The following INSL6 variants were observed in gnomAD, a reference collection of about 807,000 sequenced individuals.
The protein encoded by INSL6 is insulin-like peptide INSL6.
In INSL6, 16 loss-of-function variants were observed where a neutral mutation model predicts 9.4. The ratio of observed to expected loss-of-function variants is 1.70; its 90% CI spans 1.15 to 2.59. The LOEUF is 2.59. INSL6 is among the 30% of genes most tolerant of loss of function. INSL6 has a pLI of 0.00. For missense variants in INSL6, 391 were observed against 257.3 expected, an observed-to-expected ratio of 1.52 and a Z score of -3.56; for synonymous variants, 154 against 96.9, an observed-to-expected ratio of 1.59 and a Z score of -3.46.
intron 1 of INSL6, among the ~76,000 whole-genome samples, chr9:5,172,043 G>C (rs979216830): frequency 6.6e-6 from 1 of 152,108 alleles, no homozygotes; most frequent in African/African-American, 2.4e-5. Context: ...TAAGCAAAAA[G>C]AACAAAGCTG....
chr9:5,159,118 C>G (rs1038095879), downstream of INSL6, among the ~76,000 whole-genome samples: 7 of 151,730 alleles, frequency 4.6e-5, no homozygotes, highest in Non-Finnish European at 8.8e-5. Flanking sequence ...TCATGGTAAC[C>G]TAAAATCTAA....
chr9:5,062,617 C>T, the INSL6 span, among the ~76,000 whole-genome samples: 9 of 147,672 alleles, frequency 6.1e-5, no homozygotes, highest in Non-Finnish European at 1.0e-4. Context: ...AGTTAGTGAA[C>T]TGCTAGTTCA....
the INSL6 span, chr9:5,073,709 A>G: frequency 6.2e-7 from 1 of 1,611,378 alleles, no homozygotes; most frequent in Non-Finnish European, 8.5e-7. Flanking sequence ...CTTTCTTTGA[A>G]GCAGCAAGTA....
At chr9:5,040,801 G>C in the INSL6 span, 3 of 206,418 alleles carry the variant, frequency 1.5e-5, no homozygotes, top group Admixed American at 1.9e-4. Flanking sequence ...GGCCCAGGCG[G>C]TGCAGGAGCT....
At chr9:5,081,729 T>C in the INSL6 span, 32 of 1,591,054 alleles carry the variant, frequency 2.0e-5, no homozygotes, top group Non-Finnish European at 2.8e-5. Context: ...CTCCAGATTA[T>C]GAACTATTAA....
At chr9:5,060,846 G>T in the INSL6 span, among the ~76,000 whole-genome samples, 1 of 152,164 alleles carries the variant, frequency 6.6e-6, no homozygotes, top group Non-Finnish European at 1.5e-5. Flanking sequence ...CACTATCTAT[G>T]GCAGCTTAGC....
At chr9:5,051,144 A>T in the INSL6 span, among the ~76,000 whole-genome samples, 1 of 152,228 alleles carries the variant, frequency 6.6e-6, no homozygotes, top group Non-Finnish European at 1.5e-5. Flanking sequence ...CAAGAGGGAT[A>T]GTCAACCTAT....
chr9:5,024,823 C>A, the INSL6 span, among the ~76,000 whole-genome samples: 15 of 152,230 alleles, frequency 9.9e-5, no homozygotes, highest in African/African-American at 3.4e-4. Context: ...CAGTCAGTCC[C>A]CAGTCAGGGC....
chr9:5,184,630 C>T (rs756282794), intron 1 of INSL6, among the ~76,000 whole-genome samples: 2 of 152,138 alleles, frequency 1.3e-5, no homozygotes, highest in African/African-American at 2.4e-5. Context: ...CCTATGTAGT[C>T]ACACAGGCCT....
intron 1 of INSL6, among the ~76,000 whole-genome samples, chr9:5,183,958 G>C (rs1825512201): frequency 6.6e-6 from 1 of 152,138 alleles, no homozygotes; most frequent in South Asian, 2.1e-4. Flanking sequence ...TAAAGCGTGA[G>C]AGTCACTGAA....
At chr9:5,022,014 A>G in the INSL6 span, 2 of 1,614,078 alleles carry the variant, frequency 1.2e-6, no homozygotes, top group East Asian at 4.5e-5. Context: ...TTACGATGAC[A>G]GAAATGGAGG....
downstream of INSL6, among the ~76,000 whole-genome samples, chr9:5,121,487 T>C (rs144699922): frequency 1.1e-3 from 173 of 152,274 alleles, no homozygotes; most frequent in African/African-American, 4.1e-3. Flanking sequence ...GGAGGTAGTT[T>C]TGCAGCTTGG....
At chr9:5,042,528 G>A in the INSL6 span, among the ~76,000 whole-genome samples, 1 of 152,148 alleles carries the variant, frequency 6.6e-6, no homozygotes, top group East Asian at 1.9e-4. Context: ...AAAAAGAAAG[G>A]CCCCCTCCAC....
At chr9:5,147,137 T>C (rs116443914) in intron 2 of INSL6, among the ~76,000 whole-genome samples, 2,959 of 152,264 alleles carry the variant, frequency 0.019, 117 homozygotes, top group African/African-American at 0.068. Flanking sequence ...AGTTAGTTGC[T>C]GCTCTACCAC....
At chr9:5,035,999 A>T in the INSL6 span, among the ~76,000 whole-genome samples, 7 of 152,298 alleles carry the variant, frequency 4.6e-5, no homozygotes, top group East Asian at 1.3e-3. Context: ...CTCAGCCCAA[A>T]ATCTCCTTAA....
chr9:5,051,818 T>C, the INSL6 span, among the ~76,000 whole-genome samples: 1 of 152,138 alleles, frequency 6.6e-6, no homozygotes, highest in East Asian at 1.9e-4. Context: ...ACATACCCAA[T>C]TTGCAGAGTA....
chr9:5,103,461 C>T, the INSL6 span, among the ~76,000 whole-genome samples: 1 of 151,894 alleles, frequency 6.6e-6, no homozygotes, highest in African/African-American at 2.4e-5. Context: ...GACTCCCACA[C>T]AATAATAATG....
At chr9:5,147,668 C>G (rs1824627351) in intron 2 of INSL6, among the ~76,000 whole-genome samples, 1 of 151,996 alleles carries the variant, frequency 6.6e-6, no homozygotes, top group Non-Finnish European at 1.5e-5. Flanking sequence ...GTTTCTTATT[C>G]TCTTTCTCTC....
the INSL6 span, among the ~76,000 whole-genome samples, chr9:5,093,733 G>A: frequency 9.2e-5 from 14 of 152,016 alleles, no homozygotes; most frequent in African/African-American, 3.4e-4. Context: ...GTTACCCTAG[G>A]GATAACAGTG....
Sources: gnomAD v4.1 joint callset for allele counts (sites outside exome capture counted in the v4.1 genomes callset) on GRCh38, gnomAD v4.1.1 for gene constraint, MANE v1.5 for transcripts, NCBI Gene and HGNC (gene_info 2026-07-23, HGNC 2026-07-21) for gene names.